DNAJC6: variants seen among roughly 807,000 people sequenced by gnomAD.
DNAJC6 encodes auxilin.
Under a neutral mutation model 110.0 loss-of-function variants are expected in DNAJC6, and 34 were observed. That is an observed-to-expected ratio of 0.31 (90% CI 0.24 to 0.41). DNAJC6 has a LOEUF of 0.41. DNAJC6 is among the 10% of genes least tolerant of loss of function. The pLI is 1.00. For missense variants in DNAJC6, 1,031 were observed against 1,207.8 expected (o/e 0.85, Z 2.17); for synonymous variants, 406 against 437.2 (o/e 0.93, Z 0.89).
At chr1:65,398,698 GA>G (rs1293492278) in intron 13 of DNAJC6, 114 bp from the exon 14 acceptor site, 4 of 967,058 alleles carry the variant, frequency 4.1e-6, no homozygotes, top group Non-Finnish European at 6.4e-6. Flanking sequence ...GATATCTTGG[GA>G]TCTTGCTGGG....
chr1:65,394,233 C>T (rs1645956487), intron 12 of DNAJC6, among the ~76,000 whole-genome samples: 1 of 152,148 alleles, frequency 6.6e-6, no homozygotes, highest in Non-Finnish European at 1.5e-5. Context: ...TTCTCTGCCT[C>T]ATGTTATAGA....
chr1:65,281,230 G>A (rs1749964), intron 1 of DNAJC6, among the ~76,000 whole-genome samples: 111,289 of 152,040 alleles, frequency 0.73, 41,806 homozygotes, highest in East Asian at 0.98. Flanking sequence ...CCCGGCTCAA[G>A]TTTCAAATTT....
chr1:65,374,295 G>T (rs28794489), intron 4 of DNAJC6, among the ~76,000 whole-genome samples: 37,429 of 150,662 alleles, frequency 0.25, 8,044 homozygotes, highest in East Asian at 0.61. Flanking sequence ...CATTTTAGGG[G>T]TTTTTTTTTA....
rs1408749471 is a variant in DNAJC6 at position 65,372,369 on chromosome 1, A to G, written c.543+6173A>G. 2.0e-5 allele frequency among the ~76,000 whole-genome samples: 3 copies of G among 152,084 alleles called. No individual in the cohort carries two copies. In the East Asian group the frequency reaches 5.8e-4, roughly 29 times the overall value. On this transcript the variant is annotated intron_variant, in intron 4 of 18. Coordinates refer to ENST00000371069, the MANE Select transcript of DNAJC6 (RefSeq NM_001256864.2). Reference sequence around the variant, plus strand: ...ATTGCCAAATGGGGTTCATTCCTTTATTCTTTCACTCATTCATTCACTCAG... The same window carrying G: ...ATTGCCAAATGGGGTTCATTCCTTTGTTCTTTCACTCATTCATTCACTCAG...
At chr1:65,388,458 C>A (rs915791279) in intron 9 of DNAJC6, 43 bp downstream of exon 9, 1 of 1,568,076 alleles carries the variant, frequency 6.4e-7, no homozygotes, top group Admixed American at 1.7e-5. Flanking sequence ...ATCAAATTAG[C>A]TGTGAAGTGC....
intron 1 of DNAJC6, among the ~76,000 whole-genome samples, chr1:65,283,423 T>C (rs1053224068): frequency 6.6e-6 from 1 of 152,238 alleles, no homozygotes; most frequent in East Asian, 1.9e-4. Flanking sequence ...GCCTTTTTTT[T>C]ACTCAGCATA....
chr1:65,402,065 G>C (rs1473281293), intron 15 of DNAJC6, among the ~76,000 whole-genome samples, 185 bp downstream of exon 15: 1 of 152,198 alleles, frequency 6.6e-6, no homozygotes, highest in Admixed American at 6.5e-5. Context: ...ATCAGATGTG[G>C]GGTTAGAAAT....
intron 1 of DNAJC6, among the ~76,000 whole-genome samples, chr1:65,330,420 G>A (rs1421506400): frequency 2.0e-5 from 3 of 152,080 alleles, no homozygotes; most frequent in Non-Finnish European, 2.9e-5. Context: ...TGTCACAAAG[G>A]CCATCATAAC....
At chr1:65,351,013 G>A (rs9436713) in intron 1 of DNAJC6, among the ~76,000 whole-genome samples, 31 of 152,026 alleles carry the variant, frequency 2.0e-4, no homozygotes, top group African/African-American at 7.5e-4. Context: ...TATCCCTCCA[G>A]CACCCCTAAT....
chr1:65,320,651 C>A (rs1485805917), intron 1 of DNAJC6, among the ~76,000 whole-genome samples: 2 of 152,150 alleles, frequency 1.3e-5, no homozygotes, highest in Non-Finnish European at 2.9e-5. Flanking sequence ...ACTCTTCTAG[C>A]CATGGGGGAT....
chr1:65,388,297 G>T, intron 8 of DNAJC6, 39 bp from the exon 9 acceptor site: 1 of 1,560,528 alleles, frequency 6.4e-7, no homozygotes. Flanking sequence ...TTCCCTTTTC[G>T]CTGATTGATT....
chr1:65,385,890 G>A lies in DNAJC6; in HGVS notation c.979G>A (p.Asp327Asn), dbSNP rs1645867075. The A allele has an allele frequency of 6.2e-7, 1 of 1,603,092 alleles. No individual in the cohort carries two copies. Among genetic ancestry groups the A allele is most frequent in the Non-Finnish European group, 8.5e-7 (1 of 1,171,400 alleles). The change falls in exon 7 of 19, where the codon GAT becomes AAT. Residue 327 changes from aspartate to asparagine, a missense_variant. Asp to Asn is a conservative substitution (Grantham distance 23, BLOSUM62 1). Transcript: ENST00000371069. Reference sequence around the variant, plus strand: ...AACCAAAATATATTCGACTTGCACAGATTTTGAACGAATGAAGTAAGTCAT... The same window carrying A: ...AACCAAAATATATTCGACTTGCACAAATTTTGAACGAATGAAGTAAGTCAT... ...GETKIYSTCT[D>N]FERMKEYRVQ...
chr1:65,340,909 A>C (rs1410054772), intron 1 of DNAJC6, among the ~76,000 whole-genome samples: 1 of 152,182 alleles, frequency 6.6e-6, no homozygotes, highest in African/African-American at 2.4e-5. Flanking sequence ...TTTGAAAGAA[A>C]TCTGAAAATT....
At chr1:65,316,069 T>C (rs1570268672) in intron 1 of DNAJC6, among the ~76,000 whole-genome samples, 2 of 152,158 alleles carry the variant, frequency 1.3e-5, no homozygotes, top group Admixed American at 6.5e-5. Context: ...AACAATACAA[T>C]TGATGAAGCA....
rs533490723 is a variant in DNAJC6 at position 65,415,137 on chromosome 1, G to A, written c.*2112G>A. 3.3e-5 allele frequency: 5 copies of A among 152,082 alleles called. No individual in the cohort carries two copies. The highest frequency in any genetic ancestry group is 9.6e-5 in the African/African-American group (4 of 41,474). The allele number at this position is 152,082 out of a possible 1,614,324, so 9.4% of individuals were successfully genotyped here. On this transcript the variant is annotated 3_prime_UTR_variant, in exon 19 of 19. Transcript: ENST00000371069. ...GTCTTTGCATTCCTTTTAAATAACT[G>A]GTTGTGACAAAGCTTGTTGTTGATC...
intron 5 of DNAJC6, chr1:65,379,825 A>G (rs1197482877): frequency 4.9e-6 from 1 of 205,972 alleles, no homozygotes; most frequent in Admixed American, 5.9e-5. Context: ...TAAAAATGCC[A>G]TTGACTTTTG....
upstream of DNAJC6, among the ~76,000 whole-genome samples, chr1:65,305,008 T>C (rs1390905351): frequency 1.3e-5 from 2 of 152,262 alleles, no homozygotes; most frequent in African/African-American, 2.4e-5. Flanking sequence ...ATAGGCCTTA[T>C]TCAATAAGGA....
chr1:65,266,694 G>GA (rs202229572), intron 1 of DNAJC6, among the ~76,000 whole-genome samples: 1,806 of 148,700 alleles, frequency 0.012, 39 homozygotes, highest in African/African-American at 0.034. Flanking sequence ...TTTCTGGAGA[G>GA]AAAAAAAAAA....
chr1:65,304,625 G>C (rs1645020426), upstream of DNAJC6, among the ~76,000 whole-genome samples: 1 of 152,202 alleles, frequency 6.6e-6, no homozygotes, highest in Non-Finnish European at 1.5e-5. Context: ...AGGCCACCCT[G>C]CTGATTAAGA....
Sources: allele counts gnomAD v4.1 joint callset (sites outside exome capture counted in the v4.1 genomes callset), GRCh38; gene constraint gnomAD v4.1.1; transcripts MANE v1.5; gene names NCBI Gene and HGNC (gene_info 2026-07-23, HGNC 2026-07-21).